RBFOX1: variants seen among roughly 807,000 people sequenced by gnomAD.
The protein encoded by RBFOX1 is RNA binding protein fox-1 homolog 1.
RBFOX1 carries 8 observed loss-of-function variants against 57.7 expected under a neutral mutation model. The ratio of observed to expected loss-of-function variants is 0.14; its 90% CI spans 0.08 to 0.25. The LOEUF is 0.25. Ranked by LOEUF, RBFOX1 falls within the 10% of genes least tolerant of loss-of-function variation. The pLI, the probability that RBFOX1 is intolerant of heterozygous loss-of-function variation, is 1.00. For synonymous variants in RBFOX1, 326 were observed against 222.4 expected, an observed-to-expected ratio of 1.47 and a Z score of -4.15; for missense variants, 611 against 548.5, an observed-to-expected ratio of 1.11 and a Z score of -1.14.
At chr16:6,011,398 C>G (rs2094960536) in intron 4 of RBFOX1, among the ~76,000 whole-genome samples, 1 of 151,810 alleles carries the variant, frequency 6.6e-6, no homozygotes, top group Admixed American at 6.6e-5. Context: ...GCCTTTGGAT[C>G]CCCTATACAT....
chr16:7,407,628 C>T (rs1463426560), intron 4 of RBFOX1, among the ~76,000 whole-genome samples: 1 of 152,094 alleles, frequency 6.6e-6, no homozygotes, highest in African/African-American at 2.4e-5. Flanking sequence ...AGAAAGACTG[C>T]TTATTATAGC....
chr16:5,708,798 T>C (rs2051346298), intron 3 of RBFOX1, among the ~76,000 whole-genome samples: 1 of 152,168 alleles, frequency 6.6e-6, no homozygotes, highest in African/African-American at 2.4e-5. Context: ...AAGAAGTAGC[T>C]GTGAGATGAG....
At chr16:7,703,759 T>G (rs12448737) in intron 14 of RBFOX1, among the ~76,000 whole-genome samples, 66,925 of 152,028 alleles carry the variant, frequency 0.44, 15,081 homozygotes, top group Non-Finnish European at 0.45. Context: ...TGCATACTTA[T>G]TCATTTTGCT....
chr16:5,415,018 G>A (rs1217974180), intron 1 of RBFOX1, among the ~76,000 whole-genome samples: 5 of 152,152 alleles, frequency 3.3e-5, no homozygotes, highest in Non-Finnish European at 7.3e-5. Flanking sequence ...TATGTTAACA[G>A]TCTTGTAAGG....
chr16:5,361,282 T>C (rs897233252), intron 1 of RBFOX1, among the ~76,000 whole-genome samples: 2 of 152,258 alleles, frequency 1.3e-5, no homozygotes, highest in Admixed American at 1.3e-4. Flanking sequence ...TGGGTATAGT[T>C]GCTGTCCAAG....
At chr16:6,530,867 G>A (rs1445481202) in intron 2 of RBFOX1, among the ~76,000 whole-genome samples, 1 of 151,974 alleles carries the variant, frequency 6.6e-6, no homozygotes, top group African/African-American at 2.4e-5. Flanking sequence ...TGTGGGAATT[G>A]TAAGAGATAT....
At chr16:6,132,180 C>G (rs1176960899) in intron 1 of RBFOX1, among the ~76,000 whole-genome samples, 2 of 152,202 alleles carry the variant, frequency 1.3e-5, no homozygotes, top group Non-Finnish European at 2.9e-5. Flanking sequence ...TGGTATGTGA[C>G]TTTAAGATTT....
intron 3 of RBFOX1, among the ~76,000 whole-genome samples, chr16:6,797,153 C>T (rs958839640): frequency 1.3e-5 from 2 of 152,196 alleles, no homozygotes; most frequent in Non-Finnish European, 2.9e-5. Flanking sequence ...AGATAGGCAG[C>T]AGCAGCAGCA....
At chr16:6,453,682 A>G (rs1408101930) in intron 2 of RBFOX1, among the ~76,000 whole-genome samples, 1 of 152,046 alleles carries the variant, frequency 6.6e-6, no homozygotes, top group South Asian at 2.1e-4. Flanking sequence ...AACTCATTTT[A>G]TGGAAGCCCC....
chr16:6,654,855 G>A (rs1362372702), intron 3 of RBFOX1, among the ~76,000 whole-genome samples: 1 of 150,014 alleles, frequency 6.7e-6, no homozygotes, highest in East Asian at 2.0e-4. Context: ...CATGAGGAGT[G>A]CATATTGTAA....
At chr16:7,105,598 G>C (rs1443374412) in intron 4 of RBFOX1, among the ~76,000 whole-genome samples, 1 of 152,020 alleles carries the variant, frequency 6.6e-6, no homozygotes, top group Non-Finnish European at 1.5e-5. Flanking sequence ...GCATTCCTGA[G>C]TTAGTCTGCA....
At chr16:6,895,448 G>GTGTGTGTGTATATATA (rs869028735) in intron 3 of RBFOX1, among the ~76,000 whole-genome samples, 2 of 54,612 alleles carry the variant, frequency 3.7e-5, no homozygotes, top group African/African-American at 1.7e-4. Context: ...GTGTGTGTGT[G>GTGTGTGTGTATATATA]TATATATATA....
intron 5 of RBFOX1, among the ~76,000 whole-genome samples, chr16:7,561,946 G>T (rs2090471489): frequency 6.6e-6 from 1 of 152,034 alleles, no homozygotes; most frequent in African/African-American, 2.4e-5. Flanking sequence ...GTGTTAAATT[G>T]ATGTATAGGT....
At chr16:6,953,178 C>A (rs995749769) in intron 3 of RBFOX1, among the ~76,000 whole-genome samples, 3 of 152,014 alleles carry the variant, frequency 2.0e-5, no homozygotes, top group African/African-American at 7.2e-5. Context: ...ATGATCATTC[C>A]CTTATATTTT....
chr16:6,253,352 A>G (rs8050918), intron 1 of RBFOX1, among the ~76,000 whole-genome samples: 85,477 of 152,038 alleles, frequency 0.56, 27,551 homozygotes, highest in East Asian at 0.81. Context: ...CTTTGACACA[A>G]GCTGTGGGCT....
intron 3 of RBFOX1, among the ~76,000 whole-genome samples, chr16:6,795,897 C>T (rs1176407116): frequency 2.0e-5 from 3 of 151,720 alleles, no homozygotes; most frequent in Non-Finnish European, 4.4e-5. Context: ...CTTTTATGTT[C>T]TTATGTTTTT....
intron 2 of RBFOX1, among the ~76,000 whole-genome samples, chr16:6,491,061 ACTAT>A (rs778805187): frequency 2.4e-4 from 37 of 152,172 alleles, no homozygotes; most frequent in African/African-American, 3.6e-4. Context: ...TTCTGTAGAT[ACTAT>A]CTATTAGTAT....
At chr16:5,852,484 T>A (rs1004589720) in intron 3 of RBFOX1, among the ~76,000 whole-genome samples, 3 of 152,188 alleles carry the variant, frequency 2.0e-5, no homozygotes, top group Admixed American at 2.0e-4. Context: ...TGCACTTTTA[T>A]ACCATCGTCT....
intron 3 of RBFOX1, among the ~76,000 whole-genome samples, chr16:6,840,555 C>T (rs1407415716): frequency 2.6e-5 from 4 of 151,976 alleles, no homozygotes; most frequent in Non-Finnish European, 5.9e-5. Context: ...GTGATGGGGC[C>T]ATAGAGCATA....
Sources: allele counts gnomAD v4.1 joint callset (sites outside exome capture counted in the v4.1 genomes callset), GRCh38; gene constraint gnomAD v4.1.1; transcripts MANE v1.5; gene names NCBI Gene and HGNC (gene_info 2026-07-23, HGNC 2026-07-21).